ZBTB26: variants seen among roughly 807,000 people sequenced by gnomAD.
ZBTB26 encodes the protein zinc finger and BTB domain containing 26.
In ZBTB26, 12 loss-of-function variants were observed where a neutral mutation model predicts 31.6. That is an observed-to-expected ratio of 0.38 (90% CI 0.24 to 0.61). ZBTB26 has a LOEUF of 0.61. Ranked by LOEUF, ZBTB26 falls within the 20% of genes least tolerant of loss-of-function variation. ZBTB26 has a pLI of 0.60. For missense variants in ZBTB26, 311 were observed against 521.9 expected (o/e 0.60, Z 3.94); for synonymous variants, 155 against 182.9 (o/e 0.85, Z 1.23).
At chr9:122,926,097 G>A (rs1276494937) in intron 1 of ZBTB26, among the ~76,000 whole-genome samples, 4 of 151,900 alleles carry the variant, frequency 2.6e-5, no homozygotes, top group African/African-American at 9.7e-5. Context: ...GTTTCACCAT[G>A]TTGGCCAGGC....
chr9:122,928,838 AT>A (rs1174571567), intron 1 of ZBTB26, among the ~76,000 whole-genome samples: 1 of 152,220 alleles, frequency 6.6e-6, no homozygotes, highest in Non-Finnish European at 1.5e-5. Context: ...AGCCAAAAAA[AT>A]TTCTTATGGA....
Position 122,916,981 on chromosome 9 carries a change from G to A in ZBTB26, c.*1628C>T, listed in dbSNP as rs1421431033. On this transcript the variant is annotated 3_prime_UTR_variant, in exon 2 of 2. Coordinates refer to ENST00000373656, the MANE Select transcript of ZBTB26 (RefSeq NM_020924.4). Reference sequence around the variant, plus strand: ...CAGTTTTCCACACAAAATCAACTTCGCATTTAGATTCTTCTCACATTATTC... The same window carrying A: ...CAGTTTTCCACACAAAATCAACTTCACATTTAGATTCTTCTCACATTATTC... 1.3e-5 allele frequency: 2 copies of A among 152,100 alleles called. No individual in the cohort carries two copies. Among genetic ancestry groups the A allele is most frequent in the East Asian group, 1.9e-4 (1 of 5,204 alleles). The allele number at this position is 152,100 out of a possible 1,614,324, so 9.4% of individuals were successfully genotyped here. A position where few individuals can be genotyped will look rare whatever the true frequency, so the allele number is the denominator to read the frequency against.
chr9:122,928,294 T>G (rs1030444197), intron 1 of ZBTB26, among the ~76,000 whole-genome samples: 2 of 147,028 alleles, frequency 1.4e-5, no homozygotes, highest in African/African-American at 5.5e-5. Context: ...GATTTAATTC[T>G]TCTTTTGATT....
At chr9:122,929,453 A>G (rs1833233125) in intron 1 of ZBTB26, among the ~76,000 whole-genome samples, 1 of 152,126 alleles carries the variant, frequency 6.6e-6, no homozygotes, top group African/African-American at 2.4e-5. Context: ...GGGTAAAACC[A>G]TGGACTCTGG....
intron 1 of ZBTB26, among the ~76,000 whole-genome samples, chr9:122,930,228 C>T (rs898811921): frequency 4.6e-5 from 7 of 152,152 alleles, no homozygotes; most frequent in Non-Finnish European, 8.8e-5. Context: ...AATTCATAAT[C>T]TACACTAAGC....
chr9:122,926,432 G>A (rs572742564), intron 1 of ZBTB26, among the ~76,000 whole-genome samples: 13 of 151,598 alleles, frequency 8.6e-5, no homozygotes, highest in East Asian at 5.9e-4. Context: ...GCGTGAACCC[G>A]GGAGGTGGAG....
chr9:122,921,427 C>G (rs1833097222), intron 1 of ZBTB26, among the ~76,000 whole-genome samples: 1 of 152,206 alleles, frequency 6.6e-6, no homozygotes, highest in Non-Finnish European at 1.5e-5. Flanking sequence ...ATGTATTAAT[C>G]AACCCCTTAG....
intron 1 of ZBTB26, among the ~76,000 whole-genome samples, chr9:122,926,085 G>A (rs1833173988): frequency 6.6e-6 from 1 of 151,878 alleles, no homozygotes; most frequent in Non-Finnish European, 1.5e-5. Flanking sequence ...AGTAGAGATG[G>A]AGTTTCACCA....
rs1165111650 is a variant in ZBTB26, at chr9:122,915,678, A to T, written c.*2931T>A. 6.6e-6 allele frequency: 1 copy of T among 152,236 alleles called. No individual in the cohort carries two copies. Among genetic ancestry groups the T allele is most frequent in the Non-Finnish European group, 1.5e-5 (1 of 68,030 alleles). 9.4% of individuals were successfully genotyped at this position (152,236 alleles called of 1,614,324 possible). On this transcript the variant is annotated 3_prime_UTR_variant, in exon 2 of 2. Coordinates refer to ENST00000373656, the MANE Select transcript of ZBTB26 (RefSeq NM_020924.4). ...ACAGCTATTCATGAGCTGAAATAAA[A>T]TCTTCTGGGTTGTTTAGGACAGTAT...
At position 122,915,821 on chromosome 9, in the gene ZBTB26, A is replaced by T. The variant is rs1395612544; in HGVS notation, c.*2788T>A. On this transcript the variant is annotated 3_prime_UTR_variant, in exon 2 of 2. Coordinates refer to ENST00000373656, the MANE Select transcript of ZBTB26 (RefSeq NM_020924.4). Reference sequence around the variant, plus strand: ...TTCAGTTTGGAGTTTAGTATTAAATAATAAATAAATAACTGACAGAGTAAT... The same window carrying T: ...TTCAGTTTGGAGTTTAGTATTAAATTATAAATAAATAACTGACAGAGTAAT... The T allele has an allele frequency of 6.6e-6, 1 of 152,254 alleles. No homozygotes were observed. Among genetic ancestry groups the T allele is most frequent in the Non-Finnish European group, 1.5e-5 (1 of 68,046 alleles). The allele number at this position is 152,254 out of a possible 1,614,324, so 9.4% of individuals were successfully genotyped here. A position where few individuals can be genotyped will look rare whatever the true frequency, so the allele number is the denominator to read the frequency against.
intron 1 of ZBTB26, among the ~76,000 whole-genome samples, chr9:122,922,193 G>T (rs768893425): frequency 2.0e-5 from 3 of 152,136 alleles, no homozygotes; most frequent in Non-Finnish European, 4.4e-5. Context: ...AGCCGAGATT[G>T]TGCCATTGCA....
intron 1 of ZBTB26, among the ~76,000 whole-genome samples, chr9:122,929,212 G>A (rs1388066513): frequency 6.6e-6 from 1 of 152,252 alleles, no homozygotes; most frequent in Non-Finnish European, 1.5e-5. Flanking sequence ...ATTACAGATG[G>A]TAAGTGATAA....
Position 122,918,575 on chromosome 9 carries a change from CA to C in ZBTB26, c.*33del, listed in dbSNP as rs1194481701. 2 of 1,582,616 alleles carry C rather than the reference CA, an allele frequency of 1.3e-6. No individual in the cohort carries two copies. Among genetic ancestry groups the C allele is most frequent in the Non-Finnish European group, 1.7e-6 (2 of 1,166,132 alleles). On this transcript the variant is annotated 3_prime_UTR_variant, in exon 2 of 2. Transcript: ENST00000373656. ...AAGACTAAGACTATTGCCACATTGT[CA>C]GTCAGTTCGAGTTGTGAGCATGAAG...
Position 122,915,827 on chromosome 9 carries a change from T to C in ZBTB26, c.*2782A>G, listed in dbSNP as rs999857168. ...TTGGAGTTTAGTATTAAATAATAAA[T>C]AAATAACTGACAGAGTAATTTTTTT... On this transcript the variant is annotated 3_prime_UTR_variant, in exon 2 of 2. Coordinates refer to ENST00000373656, the MANE Select transcript of ZBTB26 (RefSeq NM_020924.4). The C allele has an allele frequency of 6.6e-6, 1 of 152,234 alleles. No individual in the cohort carries two copies. Among genetic ancestry groups the C allele is most frequent in the Non-Finnish European group, 1.5e-5 (1 of 68,038 alleles). 9.4% of individuals were successfully genotyped at this position (152,234 alleles called of 1,614,324 possible).
chr9:122,924,107 A>C (rs563068943), intron 1 of ZBTB26, among the ~76,000 whole-genome samples: 3 of 152,370 alleles, frequency 2.0e-5, no homozygotes, highest in African/African-American at 7.2e-5. Flanking sequence ...GCATTTCTCA[A>C]AACACATCAC....
At chr9:122,924,004 T>C (rs1376263245) in intron 1 of ZBTB26, among the ~76,000 whole-genome samples, 1 of 152,232 alleles carries the variant, frequency 6.6e-6, no homozygotes, top group Admixed American at 6.5e-5. Flanking sequence ...ACAGGCTGTG[T>C]CATACAACCC....
chr9:122,921,263 G>A (rs1166851546), intron 1 of ZBTB26, among the ~76,000 whole-genome samples: 1 of 152,146 alleles, frequency 6.6e-6, no homozygotes, highest in Non-Finnish European at 1.5e-5. Flanking sequence ...ATGCCAACAC[G>A]ATAATTCCAG....
intron 1 of ZBTB26, among the ~76,000 whole-genome samples, chr9:122,929,458 C>T (rs1156498476): frequency 6.6e-6 from 1 of 152,166 alleles, no homozygotes; most frequent in Non-Finnish European, 1.5e-5. Context: ...AAACCATGGA[C>T]TCTGGAGCCG....
At chr9:122,924,274 G>A (rs1006231371) in intron 1 of ZBTB26, among the ~76,000 whole-genome samples, 1 of 152,194 alleles carries the variant, frequency 6.6e-6, no homozygotes, top group Non-Finnish European at 1.5e-5. Context: ...CTTAAAGGAT[G>A]TTTTCCCTAG....
Sources: gnomAD v4.1 joint callset for allele counts (sites outside exome capture counted in the v4.1 genomes callset) on GRCh38, gnomAD v4.1.1 for gene constraint, MANE v1.5 for transcripts, NCBI Gene and HGNC (gene_info 2026-07-23, HGNC 2026-07-21) for gene names.